Variants in PHKA1 observed in about 807,000 individuals in gnomAD.
The protein encoded by PHKA1 is phosphorylase b kinase regulatory subunit alpha, skeletal muscle isoform.
PHKA1 carries 60 observed loss-of-function variants against 110.2 expected under a neutral mutation model. The observed-to-expected ratio is 0.54, with a 90% CI of 0.44 to 0.68. The LOEUF is 0.68. PHKA1 is among the 30% of genes least tolerant of loss of function. PHKA1 has a pLI of 0.00. For synonymous variants in PHKA1, 316 were observed against 333.6 expected, an observed-to-expected ratio of 0.95 and a Z score of 0.58; for missense variants, 801 against 942.5, an observed-to-expected ratio of 0.85 and a Z score of 1.97.
At chrX:72,626,840 T>C (rs1031874578) in intron 17 of PHKA1, 131 bp downstream of exon 17, 6 of 556,979 alleles carry the variant, frequency 1.1e-5, no homozygotes, top group South Asian at 9.9e-5. Flanking sequence ...CACGGGTAAC[T>C]GAAATATCGG....
intron 21 of PHKA1, among the ~76,000 whole-genome samples, chrX:72,612,747 A>G (rs1025278285): frequency 2.7e-5 from 3 of 112,005 alleles, no homozygotes; most frequent in African/African-American, 3.2e-5. Context: ...TCTTCTTACA[A>G]TGTGACTCTC....
chrX:72,614,426 T>C (rs1393842250), intron 21 of PHKA1, among the ~76,000 whole-genome samples: 2 of 111,821 alleles, frequency 1.8e-5, no homozygotes, highest in African/African-American at 6.5e-5. Context: ...ATGAAAAAAG[T>C]GCTATGAGAT....
At position 72,618,779 on chromosome X, in the gene PHKA1, A is replaced by C. The variant is rs1224948237; in HGVS notation, c.2300T>G (p.Val767Gly). The C allele has an allele frequency of 1.7e-6, 2 of 1,191,171 alleles. No individual in the cohort carries two copies. The highest frequency in any genetic ancestry group is 2.3e-6 in the Non-Finnish European group (2 of 878,157). Residue 767 changes from valine to glycine, a missense_variant, in exon 21 of 32, where the codon GTT becomes GGT. By Grantham distance (109) the Val-to-Gly change is moderately radical. This residue lies in a region of PHKA1 where 502 missense variants were observed against 519.2 expected (regional missense o/e 0.97). Transcript: ENST00000373542. ...GCTTGAGGTCTCCTTCAACTGTAAA[A>C]CCAGTGCTTTAAAGTCCACCTCCCC... is the stretch of plus-strand genomic sequence containing the variant. ...QSGEVDFKAL[V>G]LQLKETSSLQ... is the part of the protein sequence containing the mutation.
intron 28 of PHKA1, among the ~76,000 whole-genome samples, chrX:72,594,103 G>A (rs2052559764): frequency 1.8e-5 from 2 of 111,075 alleles, no homozygotes; most frequent in African/African-American, 6.5e-5. Flanking sequence ...ATAATGAAAT[G>A]AATGAAAACG....
intron 13 of PHKA1, among the ~76,000 whole-genome samples, chrX:72,649,961 C>T (rs1327703094): frequency 1.9e-5 from 2 of 105,200 alleles, no homozygotes; most frequent in Non-Finnish European, 3.9e-5. Flanking sequence ...CATTGCACTC[C>T]AGCCTGGGTG....
chrX:72,657,771 C>G (rs1055035630), intron 8 of PHKA1, 130 bp from the exon 9 acceptor site: 2 of 489,398 alleles, frequency 4.1e-6, no homozygotes, highest in African/African-American at 4.9e-5. Flanking sequence ...TGCTTAAAAC[C>G]AAAAAACCTA....
chrX:72,652,621 C>T lies in PHKA1; in HGVS notation c.1168G>A (p.Val390Met). ...AATTTCCCCATGGGGACTCGGTCCA[C>T]AGTGTGAGGATTCTGATATTCTTCA... ...VDEEYQNPHT[V>M]DRVPMGKLPH... Residue 390 changes from valine to methionine, a missense_variant, in exon 12 of 32, where the codon GTG becomes ATG. Val to Met is a conservative substitution (Grantham distance 21). Coordinates refer to ENST00000373542, the MANE Select transcript of PHKA1 (RefSeq NM_002637.4). The T allele has an allele frequency of 8.5e-7, 1 of 1,180,834 alleles. No homozygotes were observed.
intron 16 of PHKA1, among the ~76,000 whole-genome samples, chrX:72,630,284 AGCGGGGGTGGGGG>A (rs1556286331): frequency 1.0e-5 from 1 of 97,937 alleles, no homozygotes; most frequent in Non-Finnish European, 2.0e-5. Context: ...AAAGAAAAAG[AGCGGGGGTGGGGG>A]AGAGAGAGAG....
chrX:72,673,713 T>C (rs1354694962), intron 6 of PHKA1, among the ~76,000 whole-genome samples: 4 of 110,234 alleles, frequency 3.6e-5, no homozygotes, highest in African/African-American at 9.9e-5. Flanking sequence ...ATGACATCTA[T>C]GGTACATAAT....
Position 72,620,849 on chromosome X carries a change from A to C in PHKA1, c.2013T>G (p.Thr671=), listed in dbSNP as rs782765823. 9.9e-6 allele frequency: 12 copies of C among 1,211,088 alleles called. No homozygotes were observed. Among genetic ancestry groups the C allele is most frequent in the Non-Finnish European group, 2.2e-6 (2 of 895,303 alleles). ...ARYLDHLLAH[T]APHPKLAPTS... ...TAGGGGCTAGTTTAGGATGGGGAGC[A>C]GTGTGCGCCAAAAGGTGATCTAAAT... is the stretch of plus-strand genomic sequence containing the variant. Residue 671 remains threonine, a synonymous_variant, in exon 19 of 32, where the codon ACT becomes ACG. Coordinates refer to ENST00000373542, the MANE Select transcript of PHKA1 (RefSeq NM_002637.4).
At chrX:72,655,275 T>A (rs1445115443) in intron 10 of PHKA1, among the ~76,000 whole-genome samples, 1 of 111,232 alleles carries the variant, frequency 9.0e-6, no homozygotes, top group Non-Finnish European at 1.9e-5. Context: ...TAGCTGAATG[T>A]GGTGGCATAT....
intron 6 of PHKA1, among the ~76,000 whole-genome samples, chrX:72,673,411 A>AT (rs781791887): frequency 8.9e-6 from 1 of 112,283 alleles, no homozygotes; most frequent in East Asian, 2.8e-4. Context: ...TTGTACAATT[A>AT]TTATAACTTT....
intron 18 of PHKA1, among the ~76,000 whole-genome samples, chrX:72,621,264 C>A (rs1180210143): frequency 3.6e-5 from 4 of 111,527 alleles, no homozygotes; most frequent in African/African-American, 1.3e-4. Context: ...GAACAGGGAG[C>A]TTCAGGTCAC....
intron 13 of PHKA1, 118 bp from the exon 14 acceptor site, chrX:72,644,614 C>T: frequency 5.0e-6 from 3 of 601,707 alleles, no homozygotes; most frequent in Non-Finnish European, 8.0e-6. Flanking sequence ...AGGAAATGAA[C>T]AGTTATTGAG....
intron 13 of PHKA1, among the ~76,000 whole-genome samples, chrX:72,647,283 A>G (rs1402532694): frequency 8.9e-6 from 1 of 111,893 alleles, no homozygotes; most frequent in Non-Finnish European, 1.9e-5. Context: ...AATGTAGGAG[A>G]TGAGAGAGAG....
intron 7 of PHKA1, among the ~76,000 whole-genome samples, chrX:72,667,045 T>C (rs1261000926): frequency 8.9e-6 from 1 of 112,304 alleles, no homozygotes; most frequent in Non-Finnish European, 1.9e-5. Context: ...AAATCCATCA[T>C]CTCTGGTTTT....
At chrX:72,704,011 T>A (rs1441708640) in intron 3 of PHKA1, among the ~76,000 whole-genome samples, 1 of 112,272 alleles carries the variant, frequency 8.9e-6, no homozygotes, top group Non-Finnish European at 1.9e-5. Context: ...AATGATAGAC[T>A]GCTAAAAAAT....
intron 23 of PHKA1, among the ~76,000 whole-genome samples, chrX:72,606,801 G>C (rs145026425): frequency 1.7e-3 from 190 of 111,060 alleles, no homozygotes; most frequent in Middle Eastern, 9.2e-3. Flanking sequence ...TCAAATACAA[G>C]ATCTTATTCA....
At chrX:72,703,118 C>A (rs1000661551) in intron 3 of PHKA1, among the ~76,000 whole-genome samples, 5 of 111,692 alleles carry the variant, frequency 4.5e-5, no homozygotes, top group Non-Finnish European at 9.4e-5. Flanking sequence ...GTCTTCAAGA[C>A]CTCCTGAGGC....
Sources: gnomAD v4.1 joint callset for allele counts (sites outside exome capture counted in the v4.1 genomes callset) on GRCh38, gnomAD v4.1.1 for gene constraint, gnomAD v4.1.1 regional missense constraint, MANE v1.5 for transcripts, NCBI Gene and HGNC (gene_info 2026-07-23, HGNC 2026-07-21) for gene names.